The following UBE2W variants were observed in gnomAD, a reference collection of about 807,000 sequenced individuals.
UBE2W encodes the protein ubiquitin conjugating enzyme E2 W.
UBE2W carries 18 observed loss-of-function variants against 27.2 expected under a neutral mutation model. The observed-to-expected ratio is 0.66, with a 90% confidence interval of 0.46 to 0.98. UBE2W has a LOEUF of 0.98. Among genes scored for constraint, UBE2W ranks in the 50% least tolerant of loss-of-function variants. The probability of loss-of-function intolerance (pLI) is 0.00; values close to 1 mark genes in which losing one functional copy is unlikely to be tolerated. For missense variants in UBE2W, 90 were observed against 180.2 expected (o/e 0.50, Z 2.87); for synonymous variants, 53 against 57.2 (o/e 0.93, Z 0.33).
intron 1 of UBE2W, among the ~76,000 whole-genome samples, chr8:73,874,802 G>A (rs1167067812): frequency 6.6e-6 from 1 of 152,208 alleles, no homozygotes; most frequent in Non-Finnish European, 1.5e-5. Context: ...ATAGGCTCAC[G>A]CCTGTAATGC....
chr8:73,878,425 G>A (rs550763097), intron 1 of UBE2W, among the ~76,000 whole-genome samples: 1 of 152,336 alleles, frequency 6.6e-6, no homozygotes, highest in Non-Finnish European at 1.5e-5. Flanking sequence ...GGGCGCAGCT[G>A]TTTCCGTCGG....
In UBE2W at chr8:73,793,907, C is replaced by T; in HGVS notation, c.*195G>A. ...ATTAATACTGTATGACTAATAAAAGCATGTCAGTTGCCTGGACTGAACCAG... is the reference window on the plus strand; with the variant it reads ...ATTAATACTGTATGACTAATAAAAGTATGTCAGTTGCCTGGACTGAACCAG... On this transcript the variant is annotated 3_prime_UTR_variant, in exon 6 of 6. Transcript: ENST00000602593. The T allele has an allele frequency of 7.1e-7, 1 of 1,406,052 alleles. No individual in the cohort carries two copies. The highest frequency in any genetic ancestry group is 9.3e-7 in the Non-Finnish European group (1 of 1,076,112). 87.1% of individuals were successfully genotyped at this position (1,406,052 alleles called of 1,614,324 possible). A position where few individuals can be genotyped will look rare whatever the true frequency, so the allele number is the denominator to read the frequency against.
Position 73,793,390 on chromosome 8 carries a change from T to C in UBE2W, c.*712A>G, listed in dbSNP as rs1808283288. ...TTACTTCAGAGATTGAGGAACTATATACAACAAATTAATTTATTTTCACCA... is the reference window on the plus strand; with the variant it reads ...TTACTTCAGAGATTGAGGAACTATACACAACAAATTAATTTATTTTCACCA... On this transcript the variant is annotated 3_prime_UTR_variant, in exon 6 of 6. Coordinates refer to ENST00000602593, the MANE Select transcript of UBE2W (RefSeq NM_018299.6). 4 of 985,836 alleles carry C rather than the reference T, an allele frequency of 4.1e-6. No individual in the cohort carries two copies. The highest frequency in any genetic ancestry group is 1.1e-4 in the East Asian group (1 of 8,826). The allele number at this position is 985,836 out of a possible 1,614,324, so 61.1% of individuals were successfully genotyped here. A position where few individuals can be genotyped will look rare whatever the true frequency, so the allele number is the denominator to read the frequency against.
downstream of UBE2W, among the ~76,000 whole-genome samples, chr8:73,784,129 G>A (rs6988402): frequency 0.053 from 8,038 of 152,066 alleles, 689 homozygotes; most frequent in African/African-American, 0.18. Context: ...TGCAGTGTGT[G>A]CTTATACATG....
intron 1 of UBE2W, among the ~76,000 whole-genome samples, chr8:73,871,334 T>C (rs1488887676): frequency 6.6e-6 from 1 of 152,232 alleles, no homozygotes; most frequent in Non-Finnish European, 1.5e-5. Flanking sequence ...TGGGGAGTAC[T>C]ACAGAAAACA....
chr8:73,794,668 G>A (rs1445708925), intron 5 of UBE2W, among the ~76,000 whole-genome samples: 2 of 151,956 alleles, frequency 1.3e-5, no homozygotes, highest in Non-Finnish European at 2.9e-5. Flanking sequence ...TTGGGAGGCC[G>A]AGGCGGGCGG....
intron 1 of UBE2W, among the ~76,000 whole-genome samples, chr8:73,873,289 A>G (rs919964326): frequency 6.6e-6 from 1 of 152,210 alleles, no homozygotes; most frequent in Non-Finnish European, 1.5e-5. Flanking sequence ...TCAAGGCAAC[A>G]TGACTACTAC....
intron 1 of UBE2W, among the ~76,000 whole-genome samples, chr8:73,860,661 G>C (rs931256200): frequency 1.3e-5 from 2 of 152,164 alleles, no homozygotes; most frequent in African/African-American, 4.8e-5. Context: ...TGATGTCAAA[G>C]TATTGAGTTA....
intron 1 of UBE2W, among the ~76,000 whole-genome samples, chr8:73,860,148 C>A (rs1281604066): frequency 7.6e-6 from 1 of 130,936 alleles, no homozygotes. Flanking sequence ...GGGCAGGGGG[C>A]GGGGGAAGAA....
intron 1 of UBE2W, among the ~76,000 whole-genome samples, chr8:73,852,565 T>C (rs1051808261): frequency 6.6e-6 from 1 of 152,224 alleles, no homozygotes; most frequent in Non-Finnish European, 1.5e-5. Context: ...AAGCCAACCA[T>C]TTTTATTTTA....
rs1047518472 is a variant in UBE2W, at chr8:73,824,999, A to G, written c.210+148T>C. On this transcript the variant is annotated intron_variant, in intron 3 of 5. Transcript: ENST00000602593. ...CTAATCCCAATAAAGTGTAATGTTC[A>G]TATCTTGATTATATGACAAATAAGA... 8.6e-6 allele frequency: 5 copies of G among 582,140 alleles called. No individual in the cohort carries two copies. The Admixed American group carries it at 9.0e-5, about 11-fold the overall frequency. The allele number at this position is 582,140 out of a possible 1,614,324, so 36.1% of individuals were successfully genotyped here. A position where few individuals can be genotyped will look rare whatever the true frequency, so the allele number is the denominator to read the frequency against.
chr8:73,829,322 G>T (rs1450728391), intron 2 of UBE2W, among the ~76,000 whole-genome samples: 1 of 152,006 alleles, frequency 6.6e-6, no homozygotes, highest in Non-Finnish European at 1.5e-5. Context: ...GCTGTTACAG[G>T]ATACTCTGAG....
chr8:73,796,594 T>C (rs796541530), intron 5 of UBE2W: 4 of 955,898 alleles, frequency 4.2e-6, no homozygotes, highest in South Asian at 4.8e-5. Context: ...CTGACTGATA[T>C]GATACTACCC....
At chr8:73,833,816 T>TG (rs1270517981) in intron 1 of UBE2W, 1 of 152,142 alleles carries the variant, frequency 6.6e-6, no homozygotes, top group Non-Finnish European at 1.5e-5. Flanking sequence ...AGTACACAGG[T>TG]GCAATCCCAC....
chr8:73,861,718 A>G (rs1036366767), intron 1 of UBE2W, among the ~76,000 whole-genome samples: 8 of 152,212 alleles, frequency 5.3e-5, no homozygotes, highest in Non-Finnish European at 1.0e-4. Flanking sequence ...TTAAAGAAGA[A>G]TCACTGAGCT....
chr8:73,791,983 GAATA>G lies in UBE2W; in HGVS notation c.*2115_*2118del. ...GACTCAGTATATTAATTCCTTTGGT[GAATA>G]AATGTCACCGGTCATTTCTTTATAA... On this transcript the variant is annotated 3_prime_UTR_variant, in exon 6 of 6. Transcript: ENST00000602593. 1 of 985,192 alleles carries G rather than the reference GAATA, an allele frequency of 1.0e-6. No homozygotes were observed. Among genetic ancestry groups the G allele is most frequent in the South Asian group, 4.7e-5 (1 of 21,290 alleles). 61.0% of individuals were successfully genotyped at this position (985,192 alleles called of 1,614,324 possible).
At chr8:73,818,376 G>C (rs1288354396) in intron 3 of UBE2W, among the ~76,000 whole-genome samples, 1 of 152,126 alleles carries the variant, frequency 6.6e-6, no homozygotes, top group Non-Finnish European at 1.5e-5. Context: ...CGGCCTATCT[G>C]ATCTCCCTGC....
intron 1 of UBE2W, among the ~76,000 whole-genome samples, chr8:73,854,325 T>C (rs1043168536): frequency 2.0e-5 from 3 of 152,258 alleles, no homozygotes; most frequent in African/African-American, 7.2e-5. Context: ...GGCATATTGT[T>C]AGAATAAATA....
In UBE2W at chr8:73,813,109, A is replaced by AAAAAG. The variant is rs1554580723; in HGVS notation, c.211-2481_211-2480insCTTTT. Among the ~76,000 whole-genome samples the AAAAAG allele has an allele frequency of 1.1e-3, 160 of 143,156 alleles. 2 individuals carry two copies. The highest frequency in any genetic ancestry group is 3.8e-3 in the African/African-American group (145 of 37,890). 93.9% of individuals were successfully genotyped at this position (143,156 alleles called of 152,430 possible). A position where few individuals can be genotyped will look rare whatever the true frequency, so the allele number is the denominator to read the frequency against. Reference sequence around the variant, plus strand: ...AAAAAAAAAAAAAAAAAAAAAAAAAAGAACAACTGCCAAATTATCTTCTTT... The same window carrying AAAAAG: ...AAAAAAAAAAAAAAAAAAAAAAAAAAAAAAGGAACAACTGCCAAATTATCTTCTTT... On this transcript the variant is annotated intron_variant, in intron 3 of 5. Transcript: ENST00000602593.
Sources: gnomAD v4.1 joint callset for allele counts (sites outside exome capture counted in the v4.1 genomes callset) on GRCh38, gnomAD v4.1.1 for gene constraint, MANE v1.5 for transcripts, NCBI Gene and HGNC (gene_info 2026-07-23, HGNC 2026-07-21) for gene names.